Variants in CDH2 observed in about 807,000 individuals in gnomAD.
The protein encoded by CDH2 is cadherin 2.
CDH2 carries 17 observed loss-of-function variants against 92.0 expected under a neutral mutation model. That is an observed-to-expected ratio of 0.18 (90% CI 0.13 to 0.28). The LOEUF (loss-of-function observed/expected upper bound fraction) is 0.28. CDH2 is among the 10% of genes least tolerant of loss of function. The probability of loss-of-function intolerance (pLI) is 1.00; values close to 1 mark genes in which losing one functional copy is unlikely to be tolerated. For synonymous variants in CDH2, 419 were observed against 415.9 expected (o/e 1.01, Z -0.09); for missense variants, 862 against 1,133.1 (o/e 0.76, Z 3.44).
At chr18:28,074,872 A>G (rs1427078818) in intron 2 of CDH2, among the ~76,000 whole-genome samples, 1 of 152,128 alleles carries the variant, frequency 6.6e-6, no homozygotes, top group Non-Finnish European at 1.5e-5. Context: ...AAGAGTATAA[A>G]TTAGAACAAT....
At chr18:28,137,458 A>C (rs17494961) in intron 2 of CDH2, among the ~76,000 whole-genome samples, 4 of 152,168 alleles carry the variant, frequency 2.6e-5, no homozygotes, top group African/African-American at 9.7e-5. Flanking sequence ...CTTTCTCCTT[A>C]TAAGTGAGCA....
chr18:27,934,626 A>G (rs188313510), intron 6 of CDH2, among the ~76,000 whole-genome samples: 1 of 152,316 alleles, frequency 6.6e-6, no homozygotes, highest in East Asian at 1.9e-4. Context: ...GAAACATCCT[A>G]TTAATATTAA....
chr18:27,976,526 A>C (rs4413048), intron 14 of CDH2, among the ~76,000 whole-genome samples: 93,519 of 151,994 alleles, frequency 0.62, 29,278 homozygotes, highest in Non-Finnish European at 0.69. Context: ...TGAGCTTTGT[A>C]AAGGATGGTA....
intron 2 of CDH2, among the ~76,000 whole-genome samples, chr18:28,042,336 T>C (rs1327525108): frequency 2.6e-5 from 4 of 152,200 alleles, no homozygotes; most frequent in Admixed American, 2.6e-4. Context: ...AATTGCGTTA[T>C]CAATCTGACT....
At chr18:27,975,310 T>A (rs2011789240) in intron 14 of CDH2, among the ~76,000 whole-genome samples, 1 of 152,216 alleles carries the variant, frequency 6.6e-6, no homozygotes, top group South Asian at 2.1e-4. Context: ...GTAGCCTTAC[T>A]GTCACAACCT....
chr18:28,153,806 T>C (rs2016164138), intron 1 of CDH2, among the ~76,000 whole-genome samples: 1 of 152,212 alleles, frequency 6.6e-6, no homozygotes. Flanking sequence ...TTATTCAATG[T>C]CTTAGCTATT....
chr18:28,101,337 ATCAG>A (rs2015222913), intron 2 of CDH2, among the ~76,000 whole-genome samples: 1 of 152,166 alleles, frequency 6.6e-6, no homozygotes, highest in African/African-American at 2.4e-5. Flanking sequence ...CCCTAGCAGT[ATCAG>A]TCATACGACC....
chr18:28,013,322 C>T (rs2013150711), intron 3 of CDH2, among the ~76,000 whole-genome samples: 1 of 152,136 alleles, frequency 6.6e-6, no homozygotes, highest in Non-Finnish European at 1.5e-5. Context: ...TACTTTAAAT[C>T]TGTACTTCTC....
chr18:28,003,031 T>C lies in CDH2; in HGVS notation c.986A>G (p.Asp329Gly), dbSNP rs1224469921. The C allele has an allele frequency of 6.2e-7, 1 of 1,614,080 alleles. No individual in the cohort carries two copies. Among genetic ancestry groups the C allele is most frequent in the East Asian group, 2.2e-5 (1 of 44,880 alleles). The change falls in exon 7 of 16, where the codon GAC (aspartate) becomes GGC (glycine). Residue 329 changes from aspartate to glycine, a missense_variant. By Grantham distance (94) the Asp-to-Gly change is moderately conservative (BLOSUM62 -1). Coordinates refer to ENST00000269141, the MANE Select transcript of CDH2 (RefSeq NM_001792.5). ...NMFTINNETG[D>G]IITVAAGLDR... ...AAGTCCAGCTGCCACTGTGATGATG[T>C]CACCAGTCTCATTGTTGATTGTAAA...
intron 2 of CDH2, among the ~76,000 whole-genome samples, chr18:28,037,787 T>C (rs1261218819): frequency 6.6e-6 from 1 of 152,156 alleles, no homozygotes; most frequent in African/African-American, 2.4e-5. Context: ...TCAACTTAAA[T>C]ATACAGGCTG....
At chr18:28,094,837 A>C (rs1599096539) in intron 2 of CDH2, among the ~76,000 whole-genome samples, 1 of 145,136 alleles carries the variant, frequency 6.9e-6, no homozygotes, top group African/African-American at 2.6e-5. Context: ...GTTCCTCCCC[A>C]CTCTAAATGC....
At chr18:28,160,968 G>A (rs2016298163) in intron 1 of CDH2, among the ~76,000 whole-genome samples, 1 of 152,150 alleles carries the variant, frequency 6.6e-6, no homozygotes, top group African/African-American at 2.4e-5. Flanking sequence ...TTCTTGAGGT[G>A]CCTTTTTTCT....
At position 28,128,529 on chromosome 18, in the gene CDH2, C is replaced by G. The variant is rs150073499; in HGVS notation, c.172+19144G>C. Among the ~76,000 whole-genome samples the G allele has an allele frequency of 3.4e-3, 519 of 151,884 alleles. 6 individuals are homozygous for G. The highest frequency in any genetic ancestry group is 0.012 in the African/African-American group (506 of 41,414). On this transcript the variant is annotated intron_variant, in intron 2 of 15. Coordinates refer to ENST00000269141, the MANE Select transcript of CDH2 (RefSeq NM_001792.5). ...GCGAAACCCTGTCTCTACAAAAAAACAAATAACAAACAAACAATTAGCTGG... is the reference window on the plus strand; with the variant it reads ...GCGAAACCCTGTCTCTACAAAAAAAGAAATAACAAACAAACAATTAGCTGG...
intron 7 of CDH2, among the ~76,000 whole-genome samples, chr18:27,994,249 T>G (rs1401919007): frequency 6.6e-6 from 1 of 152,220 alleles, no homozygotes. Flanking sequence ...TTCCATAGTC[T>G]TCTAACAGGG....
chr18:28,038,501 T>C (rs2013884717), intron 2 of CDH2, among the ~76,000 whole-genome samples: 3 of 151,578 alleles, frequency 2.0e-5, no homozygotes, highest in African/African-American at 4.8e-5. Flanking sequence ...CTGAGTGCTA[T>C]AAAGGACTCA....
intron 2 of CDH2, among the ~76,000 whole-genome samples, chr18:28,115,633 C>T (rs1472149403): frequency 6.6e-6 from 1 of 152,148 alleles, no homozygotes; most frequent in Non-Finnish European, 1.5e-5. Flanking sequence ...CACACAGGAA[C>T]CACCACAACC....
rs2012371590 is a variant in CDH2, at chr18:27,990,248, T to C, written c.1447A>G (p.Thr483Ala). Residue 483 changes from threonine to alanine, a missense_variant, in exon 10 of 16, where the codon ACC becomes GCC. Thr to Ala is a moderately conservative substitution (Grantham distance 58). Transcript: ENST00000269141. ...GIQHPPQSTA[T>A]VSVTVIDVNE... is the part of the protein sequence containing the mutation. ...ACGTCAATAACTGTAACAGACACGG[T>C]TGCAGTTGACTGAGGGGGGTGCTGA... The C allele has an allele frequency of 5.0e-6, 8 of 1,614,150 alleles. No homozygotes were observed. The highest frequency in any genetic ancestry group is 6.8e-6 in the Non-Finnish European group (8 of 1,179,998).
At chr18:27,955,478 TGAATTTGGAGGA>T (rs1909667379) in intron 15 of CDH2, among the ~76,000 whole-genome samples, 1 of 150,062 alleles carries the variant, frequency 6.7e-6, no homozygotes, top group Non-Finnish European at 1.5e-5. Context: ...CAAGTGTGTC[TGAATTTGGAGGA>T]GAAAAAAGGG....
intron 14 of CDH2, among the ~76,000 whole-genome samples, chr18:27,967,083 T>C (rs967451618): frequency 6.6e-6 from 1 of 152,170 alleles, no homozygotes; most frequent in Admixed American, 6.5e-5. Context: ...CCTGTTAAAT[T>C]CCTCCACGGT....
Sources: gnomAD v4.1 joint callset for allele counts (sites outside exome capture counted in the v4.1 genomes callset) on GRCh38, gnomAD v4.1.1 for gene constraint, MANE v1.5 for transcripts, NCBI Gene and HGNC (gene_info 2026-07-23, HGNC 2026-07-21) for gene names.